Variants in LARP1B observed in about 807,000 individuals in gnomAD.
The protein encoded by LARP1B is La ribonucleoprotein 1B, also known as la-related protein 1B.
In LARP1B, 76 loss-of-function variants were observed where a neutral mutation model predicts 114.2. The ratio of observed to expected loss-of-function variants is 0.67; its 90% CI spans 0.55 to 0.81. The LOEUF (loss-of-function observed/expected upper bound fraction) is 0.81, where lower values mean the gene tolerates loss of function less well. Among genes scored for constraint, LARP1B ranks in the 30% least tolerant of loss-of-function variants. LARP1B has a pLI of 0.00. For missense variants in LARP1B, 1,014 were observed against 1,075.8 expected, an observed-to-expected ratio of 0.94 and a Z score of 0.80; for synonymous variants, 345 against 348.0, an observed-to-expected ratio of 0.99 and a Z score of 0.10.
intron 12 of LARP1B, among the ~76,000 whole-genome samples, chr4:128,170,468 C>T (rs1743071158): frequency 6.6e-6 from 1 of 152,066 alleles, no homozygotes; most frequent in Non-Finnish European, 1.5e-5. Context: ...TTGTTTATTT[C>T]CTATTTCAGT....
rs1243980131 is a variant in LARP1B, at chr4:128,176,945, AT to A, written c.1684+39del. 1.9e-6 allele frequency: 3 copies of A among 1,567,994 alleles called. No individual in the cohort carries two copies. The African/African-American group carries it at 4.1e-5, about 21-fold the overall frequency. ...GTGGGTATTAAAGGGAGGCTATGAT[AT>A]CCTTTGCATTGGGTATACAAAAGAT... On this transcript the variant is annotated intron_variant, in intron 13 of 19. Coordinates refer to ENST00000326639, the MANE Select transcript of LARP1B (RefSeq NM_018078.4).
chr4:128,109,493 A>G (rs1580507421), intron 9 of LARP1B, among the ~76,000 whole-genome samples: 2 of 152,242 alleles, frequency 1.3e-5, no homozygotes, highest in East Asian at 3.9e-4. Flanking sequence ...ACCTTTATGC[A>G]CCAGAAAACA....
intron 12 of LARP1B, among the ~76,000 whole-genome samples, chr4:128,174,433 G>A (rs564185087): frequency 4.1e-4 from 63 of 151,880 alleles, no homozygotes; most frequent in South Asian, 1.9e-3. Flanking sequence ...ATTATAAATT[G>A]GTATATGATA....
chr4:128,093,452 C>T (rs532777713), intron 7 of LARP1B, among the ~76,000 whole-genome samples: 10 of 151,928 alleles, frequency 6.6e-5, no homozygotes, highest in Admixed American at 2.6e-4. Flanking sequence ...AAAAATTAGC[C>T]GGGCGCGGTG....
chr4:128,163,453 T>C (rs1305724175), intron 12 of LARP1B, among the ~76,000 whole-genome samples: 1 of 152,156 alleles, frequency 6.6e-6, no homozygotes, highest in Non-Finnish European at 1.5e-5. Flanking sequence ...TCATTGATGA[T>C]CAGTGAGTGA....
At chr4:128,150,297 T>C (rs1425794863) in intron 11 of LARP1B, among the ~76,000 whole-genome samples, 6 of 151,160 alleles carry the variant, frequency 4.0e-5, no homozygotes, top group East Asian at 1.9e-4. Flanking sequence ...TTTTTCTTTT[T>C]TTTTTTTTTT....
intron 11 of LARP1B, among the ~76,000 whole-genome samples, chr4:128,144,237 T>C (rs1183279379): frequency 6.6e-6 from 1 of 152,178 alleles, no homozygotes; most frequent in African/African-American, 2.4e-5. Context: ...TGTGTTGTTT[T>C]CCCCTCTGGC....
chr4:128,083,419 G>A (rs1316658067), intron 5 of LARP1B, among the ~76,000 whole-genome samples: 2 of 150,374 alleles, frequency 1.3e-5, no homozygotes, highest in African/African-American at 4.9e-5. Context: ...CTCACCTCCC[G>A]GACGGGGCGG....
At chr4:128,111,722 T>G (rs1784176197) in intron 9 of LARP1B, among the ~76,000 whole-genome samples, 1 of 152,100 alleles carries the variant, frequency 6.6e-6, no homozygotes, top group South Asian at 2.1e-4. Context: ...GACAAAGTCT[T>G]GTTCTTGTCC....
At chr4:128,166,686 A>G (rs1740977100) in intron 12 of LARP1B, among the ~76,000 whole-genome samples, 1 of 151,352 alleles carries the variant, frequency 6.6e-6, no homozygotes, top group Admixed American at 6.6e-5. Flanking sequence ...TCTATCCTAC[A>G]TATCTGCAAC....
chr4:128,128,521 C>T (rs1342825205), intron 11 of LARP1B, among the ~76,000 whole-genome samples: 1 of 152,116 alleles, frequency 6.6e-6, no homozygotes, highest in Non-Finnish European at 1.5e-5. Flanking sequence ...CATTTAAACA[C>T]AAGGCATATT....
In LARP1B at chr4:128,178,363, T is replaced by G. The variant is rs188895289; in HGVS notation, c.1685-68T>G. 2.3e-5 allele frequency: 26 copies of G among 1,133,802 alleles called. No homozygotes were observed. In the Admixed American group the frequency reaches 3.9e-4, roughly 17 times the overall value. The allele number at this position is 1,133,802 out of a possible 1,614,324, so 70.2% of individuals were successfully genotyped here. A position where few individuals can be genotyped will look rare whatever the true frequency, so the allele number is the denominator to read the frequency against. On this transcript the variant is annotated intron_variant, in intron 13 of 19. Transcript: ENST00000326639. The stretch of plus-strand genomic sequence containing the variant: ...CTTTGAGCTTAGAGAATTACAAAAT[T>G]ATCCTTATTCTCAAAGTAAAATATT...
intron 11 of LARP1B, among the ~76,000 whole-genome samples, chr4:128,126,633 T>G (rs1199789160): frequency 6.6e-6 from 1 of 152,168 alleles, no homozygotes; most frequent in Non-Finnish European, 1.5e-5. Context: ...ATTAGTCAAT[T>G]GGAAGACTGT....
At chr4:128,169,300 G>A (rs1257237887) in intron 12 of LARP1B, among the ~76,000 whole-genome samples, 1 of 151,488 alleles carries the variant, frequency 6.6e-6, no homozygotes, top group Admixed American at 6.6e-5. Context: ...TAGTTTGAGT[G>A]GAAGCTTAGA....
intron 11 of LARP1B, among the ~76,000 whole-genome samples, chr4:128,157,854 A>C (rs1307086352): frequency 6.6e-6 from 1 of 152,184 alleles, no homozygotes; most frequent in African/African-American, 2.4e-5. Flanking sequence ...TATTTGCAGC[A>C]GATCTGCTTT....
chr4:128,101,594 A>G (rs1322588810), intron 8 of LARP1B, among the ~76,000 whole-genome samples: 1 of 148,624 alleles, frequency 6.7e-6, no homozygotes, highest in East Asian at 2.0e-4. Flanking sequence ...TTGCTCTTAG[A>G]GCAAATATTA....
At chr4:128,068,177 G>T (rs920970989) in intron 1 of LARP1B, among the ~76,000 whole-genome samples, 1 of 152,130 alleles carries the variant, frequency 6.6e-6, no homozygotes, top group Non-Finnish European at 1.5e-5. Flanking sequence ...ACTGCGCCCG[G>T]CCAATAATTT....
At chr4:128,212,430 G>C (rs1382193527), downstream of LARP1B, among the ~76,000 whole-genome samples, 1 of 151,932 alleles carries the variant, frequency 6.6e-6, no homozygotes, top group African/African-American at 2.4e-5. Context: ...GATCACTTGA[G>C]ATCAGAAATG....
chr4:128,162,391 C>A, intron 12 of LARP1B, 74 bp downstream of exon 12: 1 of 1,272,896 alleles, frequency 7.9e-7, no homozygotes, highest in South Asian at 1.8e-5. Flanking sequence ...AAAATTGCTC[C>A]TTTTTTTTCT....
Sources: allele counts gnomAD v4.1 joint callset (sites outside exome capture counted in the v4.1 genomes callset), GRCh38; gene constraint gnomAD v4.1.1; transcripts MANE v1.5; gene names NCBI Gene and HGNC (gene_info 2026-07-23, HGNC 2026-07-21).